Variants in TBC1D19 observed in about 807,000 individuals in gnomAD.
TBC1D19 encodes TBC1 domain family, member 19.
A neutral mutation model predicts 89.0 loss-of-function variants in TBC1D19; 60 were observed. The observed-to-expected ratio is 0.67, with a 90% CI of 0.55 to 0.84. TBC1D19 has a LOEUF of 0.84. Ranked by LOEUF, TBC1D19 falls within the 40% of genes least tolerant of loss-of-function variation. The pLI is 0.00. For synonymous variants in TBC1D19, 189 were observed against 199.7 expected, an observed-to-expected ratio of 0.95 and a Z score of 0.45; for missense variants, 500 against 610.8, an observed-to-expected ratio of 0.82 and a Z score of 1.91.
chr4:26,733,169 A>C lies in TBC1D19; in HGVS notation c.1085-2286A>C, dbSNP rs1028806111. On this transcript the variant is annotated intron_variant, in intron 15 of 20. Coordinates refer to ENST00000264866, the MANE Select transcript of TBC1D19 (RefSeq NM_018317.4). ...AAATTCTGAAGATGGTTGGCCTGGCATACCAGCTCAGAATAATTTGGCTTT... is the reference window on the plus strand; with the variant it reads ...AAATTCTGAAGATGGTTGGCCTGGCCTACCAGCTCAGAATAATTTGGCTTT... 2.0e-5 allele frequency among the ~76,000 whole-genome samples: 3 copies of C among 152,344 alleles called. No individual in the cohort carries two copies. In the South Asian group the frequency reaches 6.2e-4, roughly 32 times the overall value.
the TBC1D19 span, among the ~76,000 whole-genome samples, chr4:26,784,068 G>A: frequency 2.6e-5 from 4 of 152,148 alleles, no homozygotes; most frequent in Non-Finnish European, 4.4e-5. Context: ...TACTAATCTT[G>A]TTGAGATTTT....
chr4:26,636,769 A>G (rs1743158989), intron 4 of TBC1D19, among the ~76,000 whole-genome samples: 1 of 152,044 alleles, frequency 6.6e-6, no homozygotes, highest in Non-Finnish European at 1.5e-5. Flanking sequence ...TAGGGGTAAA[A>G]TTTCATTTTT....
intron 1 of TBC1D19, among the ~76,000 whole-genome samples, chr4:26,591,855 C>T (rs1739833118): frequency 6.6e-6 from 1 of 152,138 alleles, no homozygotes; most frequent in Non-Finnish European, 1.5e-5. Flanking sequence ...AATAGCTTAC[C>T]AACCAAAAAT....
In TBC1D19 at chr4:26,755,198, TATA is replaced by T. The variant is rs1719200143; in HGVS notation, c.*255_*257del. 1 of 158,104 alleles carries T rather than the reference TATA, an allele frequency of 6.3e-6. No individual in the cohort carries two copies. The highest frequency in any genetic ancestry group is 1.8e-4 in the East Asian group (1 of 5,648). 9.8% of individuals were successfully genotyped at this position (158,104 alleles called of 1,614,324 possible). On this transcript the variant is annotated 3_prime_UTR_variant, in exon 21 of 21. Coordinates refer to ENST00000264866, the MANE Select transcript of TBC1D19 (RefSeq NM_018317.4). Reference sequence around the variant, plus strand: ...CTTCTGCTAAATTGAGCATTATATATATAATATTATAATATATATATAATCCTG... The same window carrying T: ...CTTCTGCTAAATTGAGCATTATATATATATTATAATATATATATAATCCTG...
chr4:26,826,074 C>T, the TBC1D19 span, among the ~76,000 whole-genome samples: 1 of 152,160 alleles, frequency 6.6e-6, no homozygotes, highest in South Asian at 2.1e-4. Context: ...TGGTGGCATG[C>T]ACCTGTAATC....
chr4:26,598,399 C>CT (rs67919748), intron 1 of TBC1D19, among the ~76,000 whole-genome samples: 5 of 150,688 alleles, frequency 3.3e-5, no homozygotes, highest in African/African-American at 7.3e-5. Flanking sequence ...AAATATTCTT[C>CT]TTTTTTTTTT....
intron 1 of TBC1D19, among the ~76,000 whole-genome samples, chr4:26,577,876 C>T (rs1429121523): frequency 6.6e-6 from 1 of 152,206 alleles, no homozygotes; most frequent in Non-Finnish European, 1.5e-5. Context: ...TTATAATAAA[C>T]ACATGCATAT....
the TBC1D19 span, among the ~76,000 whole-genome samples, chr4:26,788,915 A>G: frequency 1.3e-5 from 2 of 152,240 alleles, no homozygotes; most frequent in Admixed American, 6.5e-5. Flanking sequence ...TTCTTGGCTG[A>G]ACATTTCAGG....
intron 7 of TBC1D19, among the ~76,000 whole-genome samples, chr4:26,651,353 G>T (rs1247644001): frequency 6.6e-6 from 1 of 152,166 alleles, no homozygotes; most frequent in Non-Finnish European, 1.5e-5. Flanking sequence ...CATGAGCATG[G>T]AATGTTCTCC....
chr4:26,763,751 A>T, the TBC1D19 span, among the ~76,000 whole-genome samples: 1 of 152,258 alleles, frequency 6.6e-6, no homozygotes, highest in Non-Finnish European at 1.5e-5. Flanking sequence ...CACAAGTAAG[A>T]TAAAATACAT....
the TBC1D19 span, among the ~76,000 whole-genome samples, chr4:26,801,092 T>C: frequency 6.6e-6 from 1 of 152,222 alleles, no homozygotes; most frequent in African/African-American, 2.4e-5. Flanking sequence ...CATGCCTATG[T>C]CCTGAATGGC....
downstream of TBC1D19, among the ~76,000 whole-genome samples, chr4:26,757,797 T>C (rs1719326649): frequency 6.6e-6 from 1 of 152,204 alleles, no homozygotes; most frequent in Admixed American, 6.5e-5. Flanking sequence ...TTAAGAAGTG[T>C]CTAGTCTAGT....
At chr4:26,807,182 G>A in the TBC1D19 span, among the ~76,000 whole-genome samples, 1 of 152,270 alleles carries the variant, frequency 6.6e-6, no homozygotes, top group East Asian at 1.9e-4. Context: ...TCTCTCAGGA[G>A]ACGCAGCAGG....
At chr4:26,772,094 A>C in the TBC1D19 span, among the ~76,000 whole-genome samples, 235 of 151,850 alleles carry the variant, frequency 1.5e-3, 2 homozygotes, top group Middle Eastern at 6.8e-3. Context: ...CATGCCTGTG[A>C]ATTTGACATA....
chr4:26,746,101 T>G (rs994223419), intron 18 of TBC1D19, among the ~76,000 whole-genome samples: 2 of 152,212 alleles, frequency 1.3e-5, no homozygotes, highest in Non-Finnish European at 2.9e-5. Context: ...AATATTTTTT[T>G]CTGCACCATA....
the TBC1D19 span, among the ~76,000 whole-genome samples, chr4:26,849,101 A>G: frequency 1.3e-5 from 2 of 152,064 alleles, no homozygotes; most frequent in Admixed American, 6.6e-5. Context: ...ACTTGAGCCC[A>G]GGAGGTTGAG....
At chr4:26,616,910 A>G (rs186432735) in intron 3 of TBC1D19, among the ~76,000 whole-genome samples, 20 of 152,306 alleles carry the variant, frequency 1.3e-4, no homozygotes, top group Admixed American at 1.2e-3. Flanking sequence ...TTGAATGCTT[A>G]TTTTATGCCA....
intron 4 of TBC1D19, among the ~76,000 whole-genome samples, chr4:26,621,777 A>G (rs1742064057): frequency 6.6e-6 from 1 of 152,204 alleles, no homozygotes; most frequent in South Asian, 2.1e-4. Flanking sequence ...GTCATAAAGC[A>G]TAATAAATAA....
At chr4:26,855,009 T>C in the TBC1D19 span, among the ~76,000 whole-genome samples, 173 of 152,310 alleles carry the variant, frequency 1.1e-3, 1 homozygote, top group African/African-American at 3.6e-3. Context: ...TCTCGCACTG[T>C]TCCAAAACAG....
Sources: gnomAD v4.1 joint callset for allele counts (sites outside exome capture counted in the v4.1 genomes callset) on GRCh38, gnomAD v4.1.1 for gene constraint, MANE v1.5 for transcripts, NCBI Gene and HGNC (gene_info 2026-07-23, HGNC 2026-07-21) for gene names.